The following MEI4 variants were observed in gnomAD, a reference collection of about 807,000 sequenced individuals.
MEI4 encodes meiosis-specific protein MEI4.
A neutral mutation model predicts 31.4 loss-of-function variants in MEI4; 27 were observed. That is an observed-to-expected ratio of 0.86 (90% confidence interval 0.63 to 1.19). The LOEUF is 1.19. Among genes scored for constraint, MEI4 ranks in the 50% most tolerant of loss-of-function variants. The probability of loss-of-function intolerance (pLI) is 0.00; values close to 1 mark genes in which losing one functional copy is unlikely to be tolerated. For missense variants in MEI4, 329 were observed against 398.9 expected (o/e 0.82, Z 1.49); for synonymous variants, 122 against 145.4 (o/e 0.84, Z 1.16).
At chr6:77,792,465 CT>C (rs1768963178) in intron 3 of MEI4, among the ~76,000 whole-genome samples, 1 of 152,018 alleles carries the variant, frequency 6.6e-6, no homozygotes, top group South Asian at 2.1e-4. Context: ...CTTGCCAGTA[CT>C]TGTTTTCTTT....
intron 2 of MEI4, among the ~76,000 whole-genome samples, chr6:77,746,636 GGC>G (rs952189063): frequency 1.7e-5 from 2 of 115,088 alleles, no homozygotes; most frequent in Non-Finnish European, 3.5e-5. Flanking sequence ...TAAAATATAT[GGC>G]GTGTGTGTGT....
chr6:77,772,963 T>C (rs1467921958), intron 3 of MEI4, among the ~76,000 whole-genome samples: 2 of 145,468 alleles, frequency 1.4e-5, no homozygotes, highest in African/African-American at 5.1e-5. Flanking sequence ...GCTACAAATA[T>C]AATAAAAGAC....
intron 2 of MEI4, among the ~76,000 whole-genome samples, chr6:77,698,088 C>G (rs143223818): frequency 0.017 from 2,522 of 152,170 alleles, 33 homozygotes; most frequent in Non-Finnish European, 0.024. Context: ...AGGATTGCAA[C>G]CCCTGCCTTT....
intron 3 of MEI4, among the ~76,000 whole-genome samples, chr6:77,799,161 C>A (rs1013949773): frequency 7.9e-5 from 12 of 151,968 alleles, no homozygotes; most frequent in Non-Finnish European, 1.6e-4. Flanking sequence ...CCTGTTGTTT[C>A]CTGACTTTTT....
chr6:77,864,599 C>A (rs1175278557), intron 4 of MEI4, among the ~76,000 whole-genome samples: 4 of 152,108 alleles, frequency 2.6e-5, no homozygotes, highest in Non-Finnish European at 5.9e-5. Flanking sequence ...TAGAGACCTA[C>A]AAAGAGACTT....
chr6:77,650,354 G>T (rs1241466589), upstream of MEI4, among the ~76,000 whole-genome samples: 1 of 152,208 alleles, frequency 6.6e-6, no homozygotes, highest in Non-Finnish European at 1.5e-5. Flanking sequence ...AAGGGGTCGA[G>T]TCGGCCGCAG....
chr6:77,664,193 T>G (rs1341136223), intron 1 of MEI4, among the ~76,000 whole-genome samples: 3 of 152,164 alleles, frequency 2.0e-5, no homozygotes, highest in African/African-American at 7.2e-5. Flanking sequence ...AATCCTGTTG[T>G]GGGGTTTGAG....
At chr6:77,752,392 C>CT (rs1162635144) in intron 2 of MEI4, among the ~76,000 whole-genome samples, 2 of 152,162 alleles carry the variant, frequency 1.3e-5, no homozygotes, top group Non-Finnish European at 2.9e-5. Context: ...CTGTCTTAAG[C>CT]TGATAAGCAA....
intron 1 of MEI4, among the ~76,000 whole-genome samples, chr6:77,663,767 G>A (rs1043276059): frequency 3.9e-5 from 6 of 152,278 alleles, no homozygotes; most frequent in South Asian, 4.1e-4. Context: ...CCCGAAGCTC[G>A]GGGTCCGTGA....
intron 2 of MEI4, among the ~76,000 whole-genome samples, chr6:77,711,977 A>G (rs1766475965): frequency 6.6e-6 from 1 of 152,156 alleles, no homozygotes; most frequent in South Asian, 2.1e-4. Context: ...GAAGCCCATG[A>G]TTAGTTAAAA....
intron 4 of MEI4, among the ~76,000 whole-genome samples, chr6:77,839,079 A>C (rs1421960731): frequency 6.6e-6 from 1 of 152,148 alleles, no homozygotes; most frequent in Non-Finnish European, 1.5e-5. Flanking sequence ...ACTCTGTTGT[A>C]CTTGAGAGTA....
intron 1 of MEI4, among the ~76,000 whole-genome samples, chr6:77,675,738 C>A (rs1468045592): frequency 6.6e-6 from 1 of 152,070 alleles, no homozygotes; most frequent in East Asian, 1.9e-4. Flanking sequence ...CATCAATTTT[C>A]ACAGAATTCT....
chr6:77,669,771 C>T (rs1020957713), intron 1 of MEI4, among the ~76,000 whole-genome samples: 1 of 152,162 alleles, frequency 6.6e-6, no homozygotes, highest in Non-Finnish European at 1.5e-5. Context: ...TCATTTAATC[C>T]TGACAACAAC....
chr6:77,794,904 G>A (rs1323766520), intron 3 of MEI4, among the ~76,000 whole-genome samples: 1 of 152,184 alleles, frequency 6.6e-6, no homozygotes, highest in African/African-American at 2.4e-5. Flanking sequence ...TTTGACAACA[G>A]TAGTATAAAG....
intron 4 of MEI4, among the ~76,000 whole-genome samples, chr6:77,870,629 C>T (rs1771167262): frequency 4.6e-5 from 7 of 152,074 alleles, no homozygotes; most frequent in Admixed American, 3.3e-4. Flanking sequence ...TAGGAGAGAA[C>T]ATATAATTAC....
chr6:77,773,331 CAG>C (rs780730376), intron 3 of MEI4, among the ~76,000 whole-genome samples: 40 of 151,804 alleles, frequency 2.6e-4, no homozygotes, highest in Non-Finnish European at 5.0e-4. Context: ...GACATAGAAA[CAG>C]ACATACAAAT....
At chr6:77,796,967 G>C (rs976817278) in intron 3 of MEI4, among the ~76,000 whole-genome samples, 3 of 152,150 alleles carry the variant, frequency 2.0e-5, no homozygotes, top group Non-Finnish European at 4.4e-5. Context: ...AATATAAACA[G>C]GGTGATACTG....
At chr6:77,752,720 T>C (rs1026538396) in intron 2 of MEI4, among the ~76,000 whole-genome samples, 2 of 152,190 alleles carry the variant, frequency 1.3e-5, no homozygotes, top group African/African-American at 4.8e-5. Flanking sequence ...CCCATTAAGC[T>C]ACCACTGACT....
chr6:77,800,663 C>T (rs190049655), intron 3 of MEI4, among the ~76,000 whole-genome samples: 155 of 152,234 alleles, frequency 1.0e-3, no homozygotes, highest in African/African-American at 3.6e-3. Context: ...TGAGGTACGT[C>T]CCATGAATAC....
Sources: allele counts gnomAD v4.1 joint callset (sites outside exome capture counted in the v4.1 genomes callset), GRCh38; gene constraint gnomAD v4.1.1; transcripts MANE v1.5; gene names NCBI Gene and HGNC (gene_info 2026-07-23, HGNC 2026-07-21).